The following EGLN2 variants were observed in gnomAD, a reference collection of about 807,000 sequenced individuals.
EGLN2 encodes the protein prolyl hydroxylase EGLN2.
A neutral mutation model predicts 38.2 loss-of-function variants in EGLN2; 15 were observed. The ratio of observed to expected loss-of-function variants is 0.39; its 90% CI spans 0.26 to 0.60. The LOEUF (loss-of-function observed/expected upper bound fraction) is 0.60, where lower values mean the gene tolerates loss of function less well. EGLN2 is among the 20% of genes least tolerant of loss of function. EGLN2 has a pLI of 0.50. For missense variants in EGLN2, 492 were observed against 570.4 expected (o/e 0.86, Z 1.40); for synonymous variants, 284 against 237.4 (o/e 1.20, Z -1.81).
At chr19:40,801,618 A>G (rs1160302857) in intron 2 of EGLN2, among the ~76,000 whole-genome samples, 2 of 145,278 alleles carry the variant, frequency 1.4e-5, no homozygotes, top group South Asian at 4.3e-4. Flanking sequence ...TGCACCTGAT[A>G]AGCTAGGAGT....
intron 5 of EGLN2, 62 bp downstream of exon 5, chr19:40,807,613 C>T: frequency 6.4e-7 from 1 of 1,560,668 alleles, no homozygotes; most frequent in Non-Finnish European, 8.8e-7. Flanking sequence ...CTGATGCCAC[C>T]CCATCCCCCT....
In EGLN2 at chr19:40,807,874, C is replaced by T. The variant is rs772998542; in HGVS notation, c.*10C>T. On this transcript the variant is annotated 3_prime_UTR_variant, in exon 6 of 6. Transcript: ENST00000303961. Reference sequence around the variant, plus strand: ...GCCTACGCCCACCTAGTGGCCAGTCCCAGAGCCGCATGGCAGACAGCTTAA... The same window carrying T: ...GCCTACGCCCACCTAGTGGCCAGTCTCAGAGCCGCATGGCAGACAGCTTAA... 1.5e-5 allele frequency: 24 copies of T among 1,613,916 alleles called. No homozygotes were observed. In the South Asian group the frequency reaches 2.4e-4, roughly 16 times the overall value.
Position 40,800,444 on chromosome 19 carries a change from C to T in EGLN2, c.-129C>T. 2.2e-6 allele frequency: 3 copies of T among 1,378,776 alleles called. No individual in the cohort carries two copies. Among genetic ancestry groups the T allele is most frequent in the Non-Finnish European group, 2.9e-6 (3 of 1,046,358 alleles). 85.4% of individuals were successfully genotyped at this position (1,378,776 alleles called of 1,614,324 possible). On this transcript the variant is annotated 5_prime_UTR_variant, in exon 2 of 6. Coordinates refer to ENST00000303961, the MANE Select transcript of EGLN2 (RefSeq NM_080732.4). ...AGAGCTCTTGCTGTCTGCCCTGCCTCACCCTGCCCCACGCCAGGCCCGGTG... is the reference window on the plus strand; with the variant it reads ...AGAGCTCTTGCTGTCTGCCCTGCCTTACCCTGCCCCACGCCAGGCCCGGTG...
Position 40,800,683 on chromosome 19 carries a change from G to A in EGLN2, c.111G>A (p.Glu37=). Residue 37 remains glutamate, a synonymous_variant, in exon 2 of 6, where the codon GAG becomes GAA. Coordinates refer to ENST00000303961, the MANE Select transcript of EGLN2 (RefSeq NM_080732.4). ...PEPGRARMGV[E]SYLPCPLLPS... is the part of the protein sequence containing the mutation. ...CTGGCCGGGCCAGGATGGGAGTGGA[G>A]AGTTACCTGCCCTGTCCCCTGCTCC... The A allele has an allele frequency of 6.2e-7, 1 of 1,614,062 alleles. No homozygotes were observed. The highest frequency in any genetic ancestry group is 8.5e-7 in the Non-Finnish European group (1 of 1,180,018).
intron 2 of EGLN2, among the ~76,000 whole-genome samples, chr19:40,801,651 C>CTTTT (rs58809253): frequency 0.012 from 1,281 of 102,672 alleles, 3 homozygotes; most frequent in Non-Finnish European, 0.016. Context: ...CACAGTGGTT[C>CTTTT]TTTTTTTTTT....
chr19:40,802,239 G>A (rs957004652), intron 2 of EGLN2, among the ~76,000 whole-genome samples: 16 of 152,282 alleles, frequency 1.1e-4, no homozygotes, highest in Admixed American at 5.2e-4. Context: ...CCGCTGGGCC[G>A]AGTGCTTGGC....
intron 3 of EGLN2, 174 bp downstream of exon 3, chr19:40,806,848 CCT>C (rs2083306000): frequency 3.0e-6 from 3 of 1,010,754 alleles, no homozygotes; most frequent in South Asian, 3.1e-5. Context: ...GGCACCTCCT[CCT>C]CTCTAGCGGA....
chr19:40,807,124 T>C lies in EGLN2; in HGVS notation c.964-14T>C, dbSNP rs759952602. ...GGCCGTACCAGCTAGCCTCATCCTT[T>C]GGCCTGCCCCCAGGTGCATGGCGGC... On this transcript the variant is annotated splice_polypyrimidine_tract_variant and intron_variant, in intron 3 of 5. Coordinates refer to ENST00000303961, the MANE Select transcript of EGLN2 (RefSeq NM_080732.4). 2 of 1,613,880 alleles carry C rather than the reference T, an allele frequency of 1.2e-6. No individual in the cohort carries two copies. The highest frequency in any genetic ancestry group is 4.5e-5 in the East Asian group (2 of 44,872).
Position 40,799,230 on chromosome 19 carries a change from A to AACGGCG in EGLN2, c.-266_-261dup, listed in dbSNP as rs1171585877. 1 of 148,780 alleles carries AACGGCG rather than the reference A, an allele frequency of 6.7e-6. No homozygotes were observed. Among genetic ancestry groups the AACGGCG allele is most frequent in the East Asian group, 2.0e-4 (1 of 5,068 alleles). The allele number at this position is 148,780 out of a possible 1,614,324, so 9.2% of individuals were successfully genotyped here. ...TGTGCGGCGCAGGGCGGCTGGCACA[A>AACGGCG]ACGGCGGCGCCGGGGCCGGAGGAAA... On this transcript the variant is annotated 5_prime_UTR_variant, in exon 1 of 6. Transcript: ENST00000303961.
At chr19:40,799,475 G>T (rs2083233883) in intron 1 of EGLN2, 2 of 145,968 alleles carry the variant, frequency 1.4e-5, no homozygotes, top group Non-Finnish European at 3.0e-5. Context: ...GGGAGCGCGC[G>T]CCGGGCGGAG....
chr19:40,802,443 T>C (rs1248286500), intron 2 of EGLN2, among the ~76,000 whole-genome samples: 1 of 152,238 alleles, frequency 6.6e-6, no homozygotes, highest in Non-Finnish European at 1.5e-5. Context: ...TGTCTGTCTC[T>C]TCCTCTGCCT....
At chr19:40,807,112 A>G (rs1164426261) in intron 3 of EGLN2, 26 bp from the exon 4 acceptor site, 1 of 1,613,418 alleles carries the variant, frequency 6.2e-7, no homozygotes, top group Non-Finnish European at 8.5e-7. Context: ...CGTACCAGCT[A>G]GCCTCATCCT....
At chr19:40,801,953 AT>A (rs1568501042) in intron 2 of EGLN2, among the ~76,000 whole-genome samples, 1 of 152,088 alleles carries the variant, frequency 6.6e-6, no homozygotes. Flanking sequence ...AGCTGCTGAC[AT>A]TCACAGCGTG....
At chr19:40,807,444 G>T in intron 4 of EGLN2, 40 bp from the exon 5 acceptor site, 1 of 1,612,634 alleles carries the variant, frequency 6.2e-7, no homozygotes. Context: ...ATGGTAGCTG[G>T]AATTGCAGAA....
In EGLN2 at chr19:40,807,127, C is replaced by T; in HGVS notation, c.964-11C>T. On this transcript the variant is annotated splice_polypyrimidine_tract_variant and intron_variant, in intron 3 of 5. Transcript: ENST00000303961. ...CGTACCAGCTAGCCTCATCCTTTGGCCTGCCCCCAGGTGCATGGCGGCCTG... is the reference window on the plus strand; with the variant it reads ...CGTACCAGCTAGCCTCATCCTTTGGTCTGCCCCCAGGTGCATGGCGGCCTG... The T allele has an allele frequency of 1.2e-6, 2 of 1,613,900 alleles. No homozygotes were observed. The highest frequency in any genetic ancestry group is 1.7e-6 in the Non-Finnish European group (2 of 1,179,942).
intron 2 of EGLN2, among the ~76,000 whole-genome samples, chr19:40,801,812 C>T (rs749132288): frequency 4.6e-5 from 7 of 151,876 alleles, no homozygotes; most frequent in African/African-American, 7.3e-5. Flanking sequence ...GAGGACCCTG[C>T]GGCCTTCTGC....
In EGLN2 at chr19:40,800,718, A is replaced by C; in HGVS notation, c.146A>C (p.His49Pro). ...YLPCPLLPSY[H>P]CPGVPSEASA... ...CCCTGTCCCCTGCTCCCCTCCTACC[A>C]CTGTCCAGGAGTGCCTAGTGAGGCC... The change falls in exon 2 of 6, where the codon CAC becomes CCC. Residue 49 changes from histidine (H) to proline (P), a missense_variant. Transcript: ENST00000303961. The C allele has an allele frequency of 6.2e-7, 1 of 1,613,820 alleles. No individual in the cohort carries two copies. The highest frequency in any genetic ancestry group is 1.1e-5 in the South Asian group (1 of 91,066).
chr19:40,800,910 G>A lies in EGLN2; in HGVS notation c.338G>A (p.Arg113Gln), dbSNP rs760974811. The change falls in exon 2 of 6, where the codon CGG becomes CAG. Residue 113 changes from arginine (R) to glutamine (Q), a missense_variant. By Grantham distance (43) the Arg-to-Gln change is conservative (BLOSUM62 1). Coordinates refer to ENST00000303961, the MANE Select transcript of EGLN2 (RefSeq NM_080732.4). ...GCQRLAAQGA[R>Q]PEAPKRKWAE... ...CAGCGATTGGCAGCCCAGGGCGCAC[G>A]GCCTGAGGCCCCCAAACGGAAATGG... The A allele has an allele frequency of 6.8e-6, 11 of 1,609,478 alleles. No individual in the cohort carries two copies. Among genetic ancestry groups the A allele is most frequent in the African/African-American group, 1.3e-5 (1 of 74,904 alleles).
chr19:40,801,322 TCGAAGCATTG>T lies in EGLN2; in HGVS notation c.751_760del (p.Arg251ValfsTer42). The T allele has an allele frequency of 6.2e-7, 1 of 1,612,784 alleles. No individual in the cohort carries two copies. The highest frequency in any genetic ancestry group is 8.5e-7 in the Non-Finnish European group (1 of 1,180,028). On this transcript the variant is annotated frameshift_variant, in exon 2 of 6. Coordinates refer to ENST00000303961, the MANE Select transcript of EGLN2 (RefSeq NM_080732.4). LOFTEE classifies it high-confidence loss of function. Reference sequence around the variant, plus strand: ...GGGTGGAAGGCCATGAACCAGGCTGTCGAAGCATTGGTGCCCTCATGGCCCATGTGGACGC... The same window carrying T: ...GGGTGGAAGGCCATGAACCAGGCTGTGTGCCCTCATGGCCCATGTGGACGC...
Sources: gnomAD v4.1 joint callset for allele counts (sites outside exome capture counted in the v4.1 genomes callset) on GRCh38, gnomAD v4.1.1 for gene constraint, MANE v1.5 for transcripts, NCBI Gene and HGNC (gene_info 2026-07-23, HGNC 2026-07-21) for gene names.